The following HDAC8 variants were observed in gnomAD, a reference collection of about 807,000 sequenced individuals.
The protein encoded by HDAC8 is histone deacetylase-like 1.
A neutral mutation model predicts 32.2 loss-of-function variants in HDAC8; 1 was observed. The ratio of observed to expected loss-of-function variants is 0.03; its 90% CI spans 0.01 to 0.15. The LOEUF (loss-of-function observed/expected upper bound fraction) is 0.15, where lower values mean the gene tolerates loss of function less well. Among genes scored for constraint, HDAC8 ranks in the 10% least tolerant of loss-of-function variants. The probability of loss-of-function intolerance (pLI) is 1.00; values close to 1 mark genes in which losing one functional copy is unlikely to be tolerated. For missense variants in HDAC8, 117 were observed against 300.0 expected (o/e 0.39, Z 4.51); for synonymous variants, 108 against 113.9 (o/e 0.95, Z 0.33).
At chrX:72,336,756 AT>A (rs1219048823) in intron 10 of HDAC8, among the ~76,000 whole-genome samples, 33 of 104,376 alleles carry the variant, frequency 3.2e-4, no homozygotes, top group African/African-American at 6.2e-4. Flanking sequence ...TTTTTATTTA[AT>A]TTTTTTTTTT....
At chrX:72,455,047 T>C (rs1247594742) in intron 9 of HDAC8, among the ~76,000 whole-genome samples, 1 of 112,614 alleles carries the variant, frequency 8.9e-6, no homozygotes, top group Non-Finnish European at 1.9e-5. Context: ...CAGCACTAAC[T>C]AATCTTTGAA....
intron 9 of HDAC8, among the ~76,000 whole-genome samples, chrX:72,426,813 T>C (rs1006713454): frequency 9.1e-6 from 1 of 110,159 alleles, no homozygotes; most frequent in East Asian, 2.9e-4. Context: ...TGACTATACT[T>C]GGAGATAGAG....
At chrX:72,460,218 C>T (rs1191218969) in intron 9 of HDAC8, among the ~76,000 whole-genome samples, 1 of 110,803 alleles carries the variant, frequency 9.0e-6, no homozygotes, top group East Asian at 2.8e-4. Flanking sequence ...CTCTCTGCAA[C>T]CTCCACCTTC....
chrX:72,570,224 T>G (rs2051968367), intron 2 of HDAC8, among the ~76,000 whole-genome samples: 1 of 111,866 alleles, frequency 8.9e-6, no homozygotes, highest in African/African-American at 3.3e-5. Flanking sequence ...TTGTAATATC[T>G]CGGACCGTAT....
At chrX:72,433,103 TGTGA>T (rs1420514709) in intron 9 of HDAC8, among the ~76,000 whole-genome samples, 12 of 111,736 alleles carry the variant, frequency 1.1e-4, no homozygotes, top group African/African-American at 3.9e-4. Flanking sequence ...CCTTTATACT[TGTGA>T]GTGTCTCATG....
At chrX:72,380,987 C>A (rs1439255978) in intron 9 of HDAC8, among the ~76,000 whole-genome samples, 2 of 111,755 alleles carry the variant, frequency 1.8e-5, no homozygotes, top group East Asian at 5.6e-4. Flanking sequence ...GCTTACTAAT[C>A]ACTAGTGGCT....
intron 4 of HDAC8, among the ~76,000 whole-genome samples, chrX:72,500,767 C>T (rs903815918): frequency 4.5e-5 from 5 of 111,587 alleles, no homozygotes; most frequent in African/African-American, 1.3e-4. Flanking sequence ...TTGGAAGTCC[C>T]GGTCAGAGCA....
At chrX:72,410,168 T>C (rs1555969781) in intron 9 of HDAC8, among the ~76,000 whole-genome samples, 1 of 110,673 alleles carries the variant, frequency 9.0e-6, no homozygotes, top group Admixed American at 9.6e-5. Context: ...AAGGTCTGGG[T>C]GGAGCTAGCT....
chrX:72,490,344 G>C, intron 6 of HDAC8, among the ~76,000 whole-genome samples: 1 of 108,737 alleles, frequency 9.2e-6, no homozygotes, highest in Non-Finnish European at 1.9e-5. Context: ...CAAAGACTTG[G>C]AACCAACCCA....
At chrX:72,444,544 T>C (rs782022313) in intron 9 of HDAC8, among the ~76,000 whole-genome samples, 4 of 105,403 alleles carry the variant, frequency 3.8e-5, no homozygotes, top group African/African-American at 1.4e-4. Context: ...CTCAAAATAA[T>C]AAGAGCTATC....
chrX:72,443,801 A>G (rs1241963064), intron 9 of HDAC8, among the ~76,000 whole-genome samples: 2 of 109,582 alleles, frequency 1.8e-5, no homozygotes, highest in Non-Finnish European at 3.8e-5. Context: ...AGACTAATAA[A>G]GAAGAAAAGA....
intron 9 of HDAC8, among the ~76,000 whole-genome samples, chrX:72,412,234 A>AC (rs2046216353): frequency 8.9e-6 from 1 of 112,025 alleles, no homozygotes; most frequent in South Asian, 3.7e-4. Flanking sequence ...AACATGTTAG[A>AC]GGGGAAACAA....
intron 9 of HDAC8, among the ~76,000 whole-genome samples, chrX:72,410,706 C>T (rs2046167270): frequency 8.9e-6 from 1 of 111,965 alleles, no homozygotes; most frequent in South Asian, 3.7e-4. Context: ...TCCAGGGCCA[C>T]ATCTGTTCCT....
chrX:72,367,900 A>G (rs782640488), intron 9 of HDAC8, among the ~76,000 whole-genome samples: 3 of 113,110 alleles, frequency 2.7e-5, no homozygotes, highest in Non-Finnish European at 5.6e-5. Flanking sequence ...CACAAAACCT[A>G]GAATAACATA....
At chrX:72,413,360 A>G (rs983194383) in intron 9 of HDAC8, among the ~76,000 whole-genome samples, 1 of 101,067 alleles carries the variant, frequency 9.9e-6, no homozygotes, top group Non-Finnish European at 2.0e-5. Flanking sequence ...GAGTGAGAAC[A>G]TGCGCCACGT....
In HDAC8 at chrX:72,329,832, G is replaced by T; in HGVS notation, c.*222C>A. 1.0e-6 allele frequency: 1 copy of T among 982,821 alleles called. No homozygotes were observed. Among genetic ancestry groups the T allele is most frequent in the Non-Finnish European group, 1.4e-6 (1 of 714,944 alleles). The allele number at this position is 982,821 out of a possible 1,213,427, so 81.0% of individuals were successfully genotyped here. ...TTTTTAAATAAGAACTTTAAATGTG[G>T]GATATCTCCTTCTTCCCCTAGGTCC... On this transcript the variant is annotated 3_prime_UTR_variant, in exon 11 of 11. Transcript: ENST00000373573.
intron 9 of HDAC8, among the ~76,000 whole-genome samples, chrX:72,443,390 A>G (rs2047247504): frequency 9.0e-6 from 1 of 110,814 alleles, no homozygotes; most frequent in Non-Finnish European, 1.9e-5. Flanking sequence ...CTCACTCAAA[A>G]CCGCTCAACT....
intron 9 of HDAC8, among the ~76,000 whole-genome samples, chrX:72,354,338 G>T (rs781893273): frequency 1.8e-5 from 2 of 112,368 alleles, no homozygotes; most frequent in African/African-American, 6.5e-5. Context: ...GTTTAAGAAA[G>T]TCCTTGTGTT....
chrX:72,342,764 T>C (rs2043920460), intron 10 of HDAC8, among the ~76,000 whole-genome samples: 2 of 112,254 alleles, frequency 1.8e-5, no homozygotes, highest in Non-Finnish European at 3.8e-5. Context: ...TTATTTCCTC[T>C]TCTAAGCTTT....
Sources: allele counts gnomAD v4.1 joint callset (sites outside exome capture counted in the v4.1 genomes callset), GRCh38; gene constraint gnomAD v4.1.1; transcripts MANE v1.5; gene names NCBI Gene and HGNC (gene_info 2026-07-23, HGNC 2026-07-21).